The following MRPL2 variants were observed in gnomAD, a reference collection of about 807,000 sequenced individuals.
MRPL2 encodes the protein mitochondrial ribosomal protein L2.
In MRPL2, 27 loss-of-function variants were observed where a neutral mutation model predicts 34.6. The ratio of observed to expected loss-of-function variants is 0.78; its 90% confidence interval spans 0.58 to 1.08. The LOEUF (loss-of-function observed/expected upper bound fraction) is 1.08, where lower values mean the gene tolerates loss of function less well. MRPL2 is among the 50% of genes least tolerant of loss of function. MRPL2 has a pLI of 0.00. For missense variants in MRPL2, 414 were observed against 419.3 expected (o/e 0.99, Z 0.11); for synonymous variants, 155 against 158.0 (o/e 0.98, Z 0.14).
At chr6:43,055,839 G>T in intron 5 of MRPL2, 58 bp downstream of exon 5, 1 of 1,508,088 alleles carries the variant, frequency 6.6e-7, no homozygotes, top group Non-Finnish European at 9.0e-7. Context: ...GGAACCATGG[G>T]TTCAGACTCT....
rs1340032264 is a variant in MRPL2, at chr6:43,059,110, G to A, written c.96+176C>T. The A allele has an allele frequency of 1.8e-5, 27 of 1,528,602 alleles. No homozygotes were observed. In the Admixed American group the frequency reaches 5.4e-4, roughly 31 times the overall value. The allele number at this position is 1,528,602 out of a possible 1,614,324, so 94.7% of individuals were successfully genotyped here. ...TTAAGTATCTCGTCTGAAGAATTTC[G>A]CCCTATGAGAAAGCAACACTTGTAG... On this transcript the variant is annotated intron_variant, in intron 1 of 6. Transcript: ENST00000388752.
chr6:43,055,656 AG>A, intron 5 of MRPL2, 38 bp from the exon 6 acceptor site: 1 of 1,608,678 alleles, frequency 6.2e-7, no homozygotes, highest in Non-Finnish European at 8.5e-7. Flanking sequence ...TCCACAAAAC[AG>A]GGGGGTGCAG....
chr6:43,056,432 C>T lies in MRPL2; in HGVS notation c.279G>A (p.Val93=). 2 of 1,614,182 alleles carry T rather than the reference C, an allele frequency of 1.2e-6. No homozygotes were observed. Among genetic ancestry groups the T allele is most frequent in the Middle Eastern group, 1.6e-4 (1 of 6,062 alleles). The change falls in exon 3 of 7, where the codon GTG becomes GTA. Residue 93 remains valine (V), a synonymous_variant. Coordinates refer to ENST00000388752, the MANE Select transcript of MRPL2 (RefSeq NM_015950.5). ...GGRDHTGRIR[V]HGIGGGHKQR... ...GCTTGTGGCCCCCGCCAATACCATGCACCCGGATTCGGCCTGTGGTTTAGG... is the reference window on the plus strand; with the variant it reads ...GCTTGTGGCCCCCGCCAATACCATGTACCCGGATTCGGCCTGTGGTTTAGG...
At position 43,056,331 on chromosome 6, in the gene MRPL2, A is replaced by C. The variant is rs771329024; in HGVS notation, c.380T>G (p.Ile127Ser). 1.2e-6 allele frequency: 2 copies of C among 1,614,086 alleles called. No homozygotes were observed. Among genetic ancestry groups the C allele is most frequent in the African/African-American group, 2.7e-5 (2 of 74,930 alleles). The part of the protein sequence containing the change: ...TKSGPFEEKV[I>S]QVRYDPCRSA... ...CCTACAGGGATCATAGCGGACTTGG[A>C]TAACCTTCTCCTCAAAGGGTCCTGA... The change falls in exon 3 of 7, where the codon ATC (isoleucine) becomes AGC (serine). Residue 127 changes from isoleucine to serine, a missense_variant. Transcript: ENST00000388752.
intron 1 of MRPL2, among the ~76,000 whole-genome samples, chr6:43,058,567 T>C (rs1764963427): frequency 6.6e-6 from 1 of 152,258 alleles, no homozygotes; most frequent in South Asian, 2.1e-4. Flanking sequence ...TGGGAATTCT[T>C]CACATATGAA....
Position 43,055,939 on chromosome 6 carries a change from C to T in MRPL2, c.589G>A (p.Glu197Lys), listed in dbSNP as rs749431586. The stretch of plus-strand genomic sequence containing the variant: ...TGGGCACCCCGGCCTGGCTCACTTT[C>T]CACGTTGTTGATGAGGGTCCCCACA... Reference protein sequence around the residue: ...LPVGTLINNVESEPGRGAQYI... With the variant: ...LPVGTLINNVKSEPGRGAQYI... Residue 197 changes from glutamate (E) to lysine (K), a missense_variant, in exon 5 of 7, where the codon GAA becomes AAA. Transcript: ENST00000388752. The T allele has an allele frequency of 6.2e-7, 1 of 1,614,122 alleles. No homozygotes were observed. The highest frequency in any genetic ancestry group is 8.5e-7 in the Non-Finnish European group (1 of 1,179,976).
intron 6 of MRPL2, among the ~76,000 whole-genome samples, chr6:43,055,260 G>A (rs777869372): frequency 1.3e-4 from 20 of 152,158 alleles, no homozygotes; most frequent in Non-Finnish European, 2.2e-4. Flanking sequence ...TACTCGGGAG[G>A]CTGAGGCAGA....
In MRPL2 at chr6:43,056,457, G is replaced by T. The variant is rs376287172; in HGVS notation, c.266-12C>A. ...CACCCGGATTCGGCCTGTGGTTTAG[G>T]ACAGTTGGGGGATATGATTCAGGTC... On this transcript the variant is annotated splice_polypyrimidine_tract_variant and intron_variant, in intron 2 of 6. Coordinates refer to ENST00000388752, the MANE Select transcript of MRPL2 (RefSeq NM_015950.5). 6 of 1,614,094 alleles carry T rather than the reference G, an allele frequency of 3.7e-6. No individual in the cohort carries two copies. The African/African-American group carries it at 6.7e-5, about 18-fold the overall frequency.
chr6:43,054,214 C>G lies in MRPL2; in HGVS notation c.*60G>C. On this transcript the variant is annotated 3_prime_UTR_variant, in exon 7 of 7. Transcript: ENST00000388752. ...CAAAAAAAACAAAAAACACCCAAAA[C>G]AAAACCACAGTAACAGATTAAAACG... 1 of 1,183,880 alleles carries G rather than the reference C, an allele frequency of 8.4e-7. No homozygotes were observed. Among genetic ancestry groups the G allele is most frequent in the South Asian group, 1.5e-5 (1 of 67,260 alleles). The allele number at this position is 1,183,880 out of a possible 1,614,324, so 73.3% of individuals were successfully genotyped here.
chr6:43,058,272 T>C, intron 1 of MRPL2, 39 bp from the exon 2 acceptor site: 1 of 1,604,772 alleles, frequency 6.2e-7, no homozygotes. Flanking sequence ...TGAAAGCTAA[T>C]TGAAGGCAAA....
chr6:43,058,955 C>T, intron 1 of MRPL2: 1 of 598,766 alleles, frequency 1.7e-6, no homozygotes, highest in Non-Finnish European at 2.8e-6. Flanking sequence ...GGAATAGTAA[C>T]TGCCTTATAG....
chr6:43,055,407 G>A, intron 6 of MRPL2, 138 bp downstream of exon 6: 1 of 771,126 alleles, frequency 1.3e-6, no homozygotes, highest in Non-Finnish European at 2.1e-6. Context: ...GCACACCTGA[G>A]TCATGTGGCA....
At chr6:43,055,397 G>C in intron 6 of MRPL2, 148 bp downstream of exon 6, 1 of 727,162 alleles carries the variant, frequency 1.4e-6, no homozygotes. Flanking sequence ...ATCCGACAAA[G>C]CACACCTGAG....
At chr6:43,056,502 C>T (rs1244582463) in intron 2 of MRPL2, 57 bp from the exon 3 acceptor site, 17 of 1,601,240 alleles carry the variant, frequency 1.1e-5, no homozygotes, top group Non-Finnish European at 1.5e-5. Context: ...TAGTTTCCAG[C>T]ACTGGGAACT....
rs1052689337 is a variant in MRPL2 at position 43,055,410 on chromosome 6, A to C, written c.705+135T>G. 4 of 782,194 alleles carry C rather than the reference A, an allele frequency of 5.1e-6. No homozygotes were observed. In the Admixed American group the frequency reaches 7.3e-5, roughly 14 times the overall value. 48.5% of individuals were successfully genotyped at this position (782,194 alleles called of 1,614,324 possible). A position where few individuals can be genotyped will look rare whatever the true frequency, so the allele number is the denominator to read the frequency against. ...CAATCCGACAAAGCACACCTGAGTC[A>C]TGTGGCAGAAAAGGACAGCCTCAGC... is the stretch of plus-strand genomic sequence containing the variant. On this transcript the variant is annotated intron_variant, in intron 6 of 6. Coordinates refer to ENST00000388752, the MANE Select transcript of MRPL2 (RefSeq NM_015950.5).
Position 43,054,352 on chromosome 6 carries a change from G to A in MRPL2, c.840C>T (p.Gly280=). 4 of 1,613,906 alleles carry A rather than the reference G, an allele frequency of 2.5e-6. No individual in the cohort carries two copies. The highest frequency in any genetic ancestry group is 3.4e-6 in the Non-Finnish European group (4 of 1,179,998). The change falls in exon 7 of 7, where the codon GGC becomes GGT. Residue 280 remains glycine, a synonymous_variant. Transcript: ENST00000388752. ...PNSGRWHRKG[G]WAGRKIRPLP... is the part of the protein sequence containing the mutation. Reference sequence around the variant, plus strand: ...GTGGCCGAATCTTTCGGCCAGCCCAGCCCCCCTTGCGGTGCCACCGCCCAC... The same window carrying A: ...GTGGCCGAATCTTTCGGCCAGCCCAACCCCCCTTGCGGTGCCACCGCCCAC...
intron 2 of MRPL2, among the ~76,000 whole-genome samples, chr6:43,057,034 A>AATT (rs1456348011): frequency 3.3e-5 from 5 of 151,836 alleles, no homozygotes; most frequent in African/African-American, 1.2e-4. Flanking sequence ...TCATACTTAA[A>AATT]TAATTTCAAC....
upstream of MRPL2, chr6:43,059,620 C>G (rs1177097362): frequency 7.2e-7 from 1 of 1,387,646 alleles, no homozygotes; most frequent in Non-Finnish European, 9.3e-7. Context: ...TTGCCTCGAG[C>G]GGCAGCCATC....
At position 43,056,332 on chromosome 6, in the gene MRPL2, T is replaced by C; in HGVS notation, c.379A>G (p.Ile127Val). The C allele has an allele frequency of 6.2e-7, 1 of 1,614,218 alleles. No homozygotes were observed. Among genetic ancestry groups the C allele is most frequent in the Non-Finnish European group, 8.5e-7 (1 of 1,180,044 alleles). The change falls in exon 3 of 7, where the codon ATC becomes GTC. Residue 127 changes from isoleucine to valine, a missense_variant. Coordinates refer to ENST00000388752, the MANE Select transcript of MRPL2 (RefSeq NM_015950.5). ...TKSGPFEEKV[I>V]QVRYDPCRSA... Reference sequence around the variant, plus strand: ...CTACAGGGATCATAGCGGACTTGGATAACCTTCTCCTCAAAGGGTCCTGAC... The same window carrying C: ...CTACAGGGATCATAGCGGACTTGGACAACCTTCTCCTCAAAGGGTCCTGAC...
Sources: gnomAD v4.1 joint callset for allele counts (sites outside exome capture counted in the v4.1 genomes callset) on GRCh38, gnomAD v4.1.1 for gene constraint, MANE v1.5 for transcripts, NCBI Gene and HGNC (gene_info 2026-07-23, HGNC 2026-07-21) for gene names.